Variants in MYRFL observed in about 807,000 individuals in gnomAD.
MYRFL encodes the protein myelin regulatory factor like.
Under a neutral mutation model 109.4 loss-of-function variants are expected in MYRFL, and 88 were observed. The ratio of observed to expected loss-of-function variants is 0.80; its 90% CI spans 0.68 to 0.96. The LOEUF (loss-of-function observed/expected upper bound fraction) is 0.96. Among genes scored for constraint, MYRFL ranks in the 40% least tolerant of loss-of-function variants. The pLI is 0.00. For missense variants in MYRFL, 957 were observed against 954.9 expected (o/e 1.00, Z -0.03); for synonymous variants, 324 against 320.9 (o/e 1.01, Z -0.10).
intron 16 of MYRFL, among the ~76,000 whole-genome samples, chr12:69,934,761 T>G (rs1464107690): frequency 6.6e-6 from 1 of 152,182 alleles, no homozygotes; most frequent in Non-Finnish European, 1.5e-5. Context: ...TCAGGTTATC[T>G]CTGTCTCTAC....
At chr12:69,954,837 G>A (rs1333342822) in intron 21 of MYRFL, among the ~76,000 whole-genome samples, 1 of 152,154 alleles carries the variant, frequency 6.6e-6, no homozygotes, top group Non-Finnish European at 1.5e-5. Context: ...ATAAGCACTT[G>A]TCTTGCAATC....
intron 2 of MYRFL, among the ~76,000 whole-genome samples, chr12:69,863,358 C>T (rs976280648): frequency 8.5e-5 from 13 of 152,178 alleles, no homozygotes; most frequent in Middle Eastern, 3.4e-3. Flanking sequence ...TGGTAGAATT[C>T]GGCTGTGAAT....
At chr12:69,858,461 C>A (rs1038057777) in intron 2 of MYRFL, among the ~76,000 whole-genome samples, 1 of 151,966 alleles carries the variant, frequency 6.6e-6, no homozygotes, top group African/African-American at 2.4e-5. Context: ...CATTAATCAG[C>A]AAAATAATCT....
rs76844605 is a variant in MYRFL, at chr12:69,855,707, G to A, written c.137+337G>A. Among the ~76,000 whole-genome samples the A allele has an allele frequency of 9.2e-3, 1,390 of 151,434 alleles. 21 individuals are homozygous for A. Among genetic ancestry groups the A allele is most frequent in the African/African-American group, 0.031 (1,302 of 41,354 alleles). ...CAAATTCATCAGCATAAAGTTCTTC[G>A]TATTCACTTATACTTTTAATGTCTG... On this transcript the variant is annotated intron_variant, in intron 2 of 24. Transcript: ENST00000552032.
At chr12:69,903,986 A>T in intron 11 of MYRFL, 142 bp downstream of exon 11, 1 of 700,548 alleles carries the variant, frequency 1.4e-6, no homozygotes, top group South Asian at 2.7e-5. Context: ...CTTAAAAATG[A>T]TGACTGAGCT....
At chr12:69,933,377 C>T (rs2120472012) in intron 16 of MYRFL, among the ~76,000 whole-genome samples, 1 of 152,152 alleles carries the variant, frequency 6.6e-6, no homozygotes, top group African/African-American at 2.4e-5. Flanking sequence ...CTGTTTTTTT[C>T]TTAGTCTGAC....
Position 69,936,451 on chromosome 12 carries a change from AGCACC to A in MYRFL, c.2045-1_2048del, listed in dbSNP as rs1309257733. Reference sequence around the variant, plus strand: ...CCCTCCCCCCTGCCCAATGCCTTGCAGCACCTAATACATCCCTGGTAACCACACCG... The same window carrying A: ...CCCTCCCCCCTGCCCAATGCCTTGCATAATACATCCCTGGTAACCACACCG... On this transcript the variant is annotated splice_acceptor_variant and coding_sequence_variant, in exon 19 of 25. Coordinates refer to ENST00000552032, the MANE Select transcript of MYRFL (RefSeq NM_182530.3). LOFTEE classifies it high-confidence loss of function. The A allele has an allele frequency of 6.5e-7, 1 of 1,534,358 alleles. No homozygotes were observed. The highest frequency in any genetic ancestry group is 8.7e-7 in the Non-Finnish European group (1 of 1,145,774).
chr12:69,932,635 T>C, intron 16 of MYRFL, 37 bp downstream of exon 16: 1 of 1,424,782 alleles, frequency 7.0e-7, no homozygotes, highest in Non-Finnish European at 9.6e-7. Flanking sequence ...TGTCAAGCTC[T>C]TTTGTTCCTT....
chr12:69,930,780 C>G (rs923802581), intron 15 of MYRFL, among the ~76,000 whole-genome samples: 19 of 149,382 alleles, frequency 1.3e-4, no homozygotes, highest in African/African-American at 4.5e-4. Context: ...CCATTGCACT[C>G]CAGCATTGGT....
At chr12:69,857,168 A>G (rs558203203) in intron 2 of MYRFL, among the ~76,000 whole-genome samples, 1 of 152,036 alleles carries the variant, frequency 6.6e-6, no homozygotes, top group African/African-American at 2.4e-5. Context: ...TAAAAAATCA[A>G]TTGACAAAAT....
intron 11 of MYRFL, among the ~76,000 whole-genome samples, chr12:69,909,737 G>A (rs1954492780): frequency 6.6e-6 from 1 of 152,164 alleles, no homozygotes; most frequent in Non-Finnish European, 1.5e-5. Context: ...ATTGCACGTA[G>A]AGGATGCCCT....
intron 13 of MYRFL, among the ~76,000 whole-genome samples, chr12:69,913,598 T>C (rs183453687): frequency 2.0e-5 from 3 of 152,314 alleles, no homozygotes; most frequent in African/African-American, 7.2e-5. Flanking sequence ...CTAAAATCAT[T>C]TAACCATATA....
At chr12:69,919,942 G>C (rs189606083) in intron 13 of MYRFL, among the ~76,000 whole-genome samples, 4 of 152,228 alleles carry the variant, frequency 2.6e-5, no homozygotes, top group African/African-American at 9.6e-5. Context: ...AGTTACCCTC[G>C]CTCAGTGTCA....
At chr12:69,929,369 A>AAAG (rs989829311) in intron 15 of MYRFL, among the ~76,000 whole-genome samples, 38 of 152,292 alleles carry the variant, frequency 2.5e-4, no homozygotes, top group African/African-American at 8.7e-4. Flanking sequence ...AAAAAAATAC[A>AAAG]AAGAACAGTT....
chr12:69,925,024 C>G (rs188825737), intron 13 of MYRFL, among the ~76,000 whole-genome samples: 1 of 152,264 alleles, frequency 6.6e-6, no homozygotes, highest in Non-Finnish European at 1.5e-5. Flanking sequence ...AACTCATGAT[C>G]CAGGTGGGAG....
intron 13 of MYRFL, among the ~76,000 whole-genome samples, chr12:69,919,618 C>T (rs1954844155): frequency 6.6e-6 from 1 of 152,106 alleles, no homozygotes; most frequent in African/African-American, 2.4e-5. Context: ...TTTTTAAATC[C>T]ATGTCAGGGC....
At chr12:69,840,186 A>G (rs1883165085) in intron 1 of MYRFL, among the ~76,000 whole-genome samples, 1 of 152,228 alleles carries the variant, frequency 6.6e-6, no homozygotes. Flanking sequence ...GCTTTCTACT[A>G]TATTGTACCT....
chr12:69,941,974 G>C (rs1955663767), intron 19 of MYRFL, among the ~76,000 whole-genome samples: 1 of 150,888 alleles, frequency 6.6e-6, no homozygotes, highest in Non-Finnish European at 1.5e-5. Flanking sequence ...ACTCTCCCAA[G>C]ACTAAACCAG....
intron 19 of MYRFL, among the ~76,000 whole-genome samples, chr12:69,950,992 G>T (rs1955959691): frequency 6.6e-6 from 1 of 152,188 alleles, no homozygotes; most frequent in South Asian, 2.1e-4. Flanking sequence ...AAGAATATTA[G>T]TAGACATTCC....
Sources: gnomAD v4.1 joint callset for allele counts (sites outside exome capture counted in the v4.1 genomes callset) on GRCh38, gnomAD v4.1.1 for gene constraint, MANE v1.5 for transcripts, NCBI Gene and HGNC (gene_info 2026-07-23, HGNC 2026-07-21) for gene names.